The following CRPPA variants were observed in gnomAD, a reference collection of about 807,000 sequenced individuals.
CRPPA encodes the protein D-ribitol-5-phosphate cytidylyltransferase.
CRPPA carries 43 observed loss-of-function variants against 52.0 expected under a neutral mutation model. That is an observed-to-expected ratio of 0.83 (90% CI 0.65 to 1.07). The LOEUF (loss-of-function observed/expected upper bound fraction) is 1.07. Ranked by LOEUF, CRPPA falls within the 50% of genes least tolerant of loss-of-function variation. The probability of loss-of-function intolerance (pLI) is 0.00; values close to 1 mark genes in which losing one functional copy is unlikely to be tolerated. For synonymous variants in CRPPA, 250 were observed against 203.5 expected (o/e 1.23, Z -1.94); for missense variants, 629 against 551.7 (o/e 1.14, Z -1.40).
At chr7:16,234,236 T>G (rs893059986) in intron 8 of CRPPA, among the ~76,000 whole-genome samples, 3 of 152,114 alleles carry the variant, frequency 2.0e-5, no homozygotes, top group Non-Finnish European at 2.9e-5. Context: ...AACAAAAAGT[T>G]TGAATACCAC....
At chr7:16,271,449 T>C (rs1444013772) in intron 6 of CRPPA, among the ~76,000 whole-genome samples, 2 of 152,112 alleles carry the variant, frequency 1.3e-5, no homozygotes, top group Non-Finnish European at 2.9e-5. Flanking sequence ...TAAATGATAA[T>C]AGTAGCAACG....
intron 2 of CRPPA, among the ~76,000 whole-genome samples, chr7:16,399,584 G>A (rs1435874285): frequency 6.6e-6 from 1 of 151,844 alleles, no homozygotes; most frequent in Non-Finnish European, 1.5e-5. Flanking sequence ...CATGTGACAA[G>A]CGACTTACAC....
At chr7:16,410,469 C>A (rs1788054235) in intron 1 of CRPPA, among the ~76,000 whole-genome samples, 1 of 152,176 alleles carries the variant, frequency 6.6e-6, no homozygotes, top group African/African-American at 2.4e-5. Flanking sequence ...TCCCAAGATT[C>A]TGGCTCTACT....
intron 4 of CRPPA, among the ~76,000 whole-genome samples, chr7:16,306,940 CAT>C (rs139542538): frequency 0.05 from 7,560 of 152,208 alleles, 255 homozygotes; most frequent in Non-Finnish European, 0.075. Context: ...ATACTTCAAA[CAT>C]GTCAATATTT....
In CRPPA at chr7:16,216,180, A is replaced by G; in HGVS notation, c.1137T>C (p.Phe379=). Residue 379 remains phenylalanine, a synonymous_variant, in exon 9 of 10, where the codon TTT becomes TTC. Transcript: ENST00000407010. ...TTTTCTGACTGGGAGGTACTAATTT[A>G]AAATCAAGAAAATGAACCTGCAAAA... ...VVVVSVHFLD[F]KLVPPSQKME... is the part of the protein sequence containing the mutation. The G allele has an allele frequency of 3.2e-6, 5 of 1,573,448 alleles. No homozygotes were observed. Among genetic ancestry groups the G allele is most frequent in the Non-Finnish European group, 4.3e-6 (5 of 1,153,348 alleles).
intron 6 of CRPPA, among the ~76,000 whole-genome samples, chr7:16,276,373 T>C (rs1488451294): frequency 6.6e-6 from 1 of 152,112 alleles, no homozygotes; most frequent in African/African-American, 2.4e-5. Flanking sequence ...GTAAAACAAA[T>C]GGACTTTAAA....
chr7:16,212,024 TATA>T (rs1782160884), intron 9 of CRPPA, among the ~76,000 whole-genome samples: 2 of 152,364 alleles, frequency 1.3e-5, no homozygotes, highest in African/African-American at 4.8e-5. Context: ...TGGAGATTTT[TATA>T]ATAATTCTCA....
chr7:16,300,935 A>G (rs1414692166), intron 5 of CRPPA, among the ~76,000 whole-genome samples: 2 of 152,222 alleles, frequency 1.3e-5, no homozygotes, highest in African/African-American at 4.8e-5. Context: ...TATGATATCT[A>G]CAATTACAAA....
intron 6 of CRPPA, among the ~76,000 whole-genome samples, chr7:16,271,906 G>T (rs1441897925): frequency 6.6e-6 from 1 of 152,036 alleles, no homozygotes; most frequent in East Asian, 1.9e-4. Context: ...ATCATGACAG[G>T]CATTTATTAT....
At chr7:16,257,522 T>C (rs1238972934) in intron 8 of CRPPA, among the ~76,000 whole-genome samples, 2 of 152,112 alleles carry the variant, frequency 1.3e-5, no homozygotes, top group African/African-American at 4.8e-5. Context: ...CTGAATTAAT[T>C]AAATCTCCCA....
At chr7:16,203,312 A>G (rs984741199) in intron 9 of CRPPA, among the ~76,000 whole-genome samples, 1 of 152,102 alleles carries the variant, frequency 6.6e-6, no homozygotes, top group African/African-American at 2.4e-5. Context: ...ATTCTCGTTC[A>G]TGAAGTTTGG....
rs574220427 is a variant in CRPPA, at chr7:16,103,066, C to T, written c.1252-11267G>A. On this transcript the variant is annotated intron_variant, in intron 9 of 9. Coordinates refer to ENST00000407010, the MANE Select transcript of CRPPA (RefSeq NM_001101426.4). The stretch of plus-strand genomic sequence containing the variant: ...ACTTGGAACCAACCCAGATGCCCAT[C>T]AATTATAGACTGGATAAAGAAAATG... Among the ~76,000 whole-genome samples the T allele has an allele frequency of 2.0e-4, 30 of 152,210 alleles. No individual in the cohort carries two copies. In the South Asian group the frequency reaches 6.0e-3, roughly 31 times the overall value.
At chr7:16,192,094 C>CA (rs1163173270) in intron 9 of CRPPA, among the ~76,000 whole-genome samples, 1 of 151,892 alleles carries the variant, frequency 6.6e-6, no homozygotes, top group African/African-American at 2.4e-5. Context: ...CAGAGTGGTT[C>CA]AAAAAACAAG....
chr7:16,198,938 AC>A (rs1312078141), intron 9 of CRPPA, among the ~76,000 whole-genome samples: 1 of 152,184 alleles, frequency 6.6e-6, no homozygotes, highest in East Asian at 1.9e-4. Context: ...ACTAGAGGCA[AC>A]CAAACTCCAT....
At chr7:16,200,411 T>C (rs979862879) in intron 9 of CRPPA, among the ~76,000 whole-genome samples, 2 of 152,212 alleles carry the variant, frequency 1.3e-5, no homozygotes, top group African/African-American at 4.8e-5. Context: ...AAGAGTAGTA[T>C]TTATTTACAA....
At chr7:16,209,231 G>A in intron 9 of CRPPA, 1 of 287,568 alleles carries the variant, frequency 3.5e-6, no homozygotes, top group Non-Finnish European at 6.7e-6. Context: ...GAACTGGAAG[G>A]TGGTAAGAAG....
chr7:16,088,769 T>C lies in CRPPA; in HGVS notation c.*2926A>G, dbSNP rs147319918. ...CTCTTTTGGCCAATACTTCTATTCA[T>C]TCCCTTAACTTTAGCTACAATTTCT... On this transcript the variant is annotated 3_prime_UTR_variant, in exon 10 of 10. Transcript: ENST00000407010. The C allele has an allele frequency of 8.0e-4, 129 of 160,662 alleles. No individual in the cohort carries two copies. Among genetic ancestry groups the C allele is most frequent in the Non-Finnish European group, 1.5e-3 (109 of 72,130 alleles). 10.0% of individuals were successfully genotyped at this position (160,662 alleles called of 1,614,324 possible).
chr7:16,131,251 T>C (rs1782675425), intron 9 of CRPPA, among the ~76,000 whole-genome samples: 1 of 152,032 alleles, frequency 6.6e-6, no homozygotes, highest in Non-Finnish European at 1.5e-5. Context: ...AAAGCATACA[T>C]TGCCATGAAC....
intron 9 of CRPPA, among the ~76,000 whole-genome samples, chr7:16,148,190 A>C (rs1783010403): frequency 6.6e-6 from 1 of 152,206 alleles, no homozygotes; most frequent in Non-Finnish European, 1.5e-5. Context: ...TAATTTCAGC[A>C]TAACTAGACA....
Sources: allele counts gnomAD v4.1 joint callset (sites outside exome capture counted in the v4.1 genomes callset), GRCh38; gene constraint gnomAD v4.1.1; transcripts MANE v1.5; gene names NCBI Gene and HGNC (gene_info 2026-07-23, HGNC 2026-07-21).